RBMS3: variants seen among roughly 807,000 people sequenced by gnomAD.
RBMS3 encodes the protein RNA-binding motif, single-stranded-interacting protein 3.
In RBMS3, 27 loss-of-function variants were observed where a neutral mutation model predicts 66.8. That is an observed-to-expected ratio of 0.40 (90% CI 0.30 to 0.56). The LOEUF is 0.56. Ranked by LOEUF, RBMS3 falls within the 20% of genes least tolerant of loss-of-function variation. The pLI is 0.40. For missense variants in RBMS3, 513 were observed against 549.5 expected, an observed-to-expected ratio of 0.93 and a Z score of 0.66; for synonymous variants, 188 against 183.0, an observed-to-expected ratio of 1.03 and a Z score of -0.22.
chr3:29,790,818 A>G (rs1369518321), intron 6 of RBMS3, among the ~76,000 whole-genome samples: 1 of 152,228 alleles, frequency 6.6e-6, no homozygotes, highest in African/African-American at 2.4e-5. Flanking sequence ...AAGTATTCAT[A>G]CTTTGACATT....
chr3:29,703,396 A>G (rs1441256498), intron 4 of RBMS3, among the ~76,000 whole-genome samples: 4 of 152,258 alleles, frequency 2.6e-5, no homozygotes, highest in Admixed American at 2.6e-4. Context: ...CATTGTCTAT[A>G]GGAAACAATT....
At chr3:29,996,169 G>T (rs1252600783) in intron 14 of RBMS3, among the ~76,000 whole-genome samples, 4 of 149,324 alleles carry the variant, frequency 2.7e-5, no homozygotes, top group African/African-American at 9.8e-5. Context: ...AAGAGACAAA[G>T]AAGGCCATTA....
rs143986412 is a variant in RBMS3 at position 29,675,529 on chromosome 3, C to G, written c.400-64191C>G. On this transcript the variant is annotated intron_variant, in intron 4 of 14. Coordinates refer to ENST00000383767, the MANE Select transcript of RBMS3 (RefSeq NM_001003793.3). ...GAGAAAATTTTTGCAATCTACCTCT[C>G]TGACAAAGGGCTAATATCCAGAATC... 8.7e-3 allele frequency among the ~76,000 whole-genome samples: 1,325 copies of G among 152,248 alleles called. 34 individuals carry two copies. The highest frequency in any genetic ancestry group is 0.03 in the African/African-American group (1,233 of 41,538).
At chr3:29,897,115 G>A (rs2060139961) in intron 8 of RBMS3, among the ~76,000 whole-genome samples, 1 of 151,516 alleles carries the variant, frequency 6.6e-6, no homozygotes, top group Non-Finnish European at 1.5e-5. Context: ...CCTCCTGCTA[G>A]TGGGAGGCAG....
chr3:29,809,636 G>T (rs568895629), intron 6 of RBMS3, among the ~76,000 whole-genome samples: 26 of 151,876 alleles, frequency 1.7e-4, no homozygotes, highest in African/African-American at 6.0e-4. Context: ...GTTTATTTCA[G>T]AGCTTACATC....
At position 29,682,085 on chromosome 3, in the gene RBMS3, C is replaced by A. The variant is rs200758772; in HGVS notation, c.400-57635C>A. Among the ~76,000 whole-genome samples the A allele has an allele frequency of 4.6e-5, 7 of 152,172 alleles. No homozygotes were observed. The East Asian group carries it at 1.3e-3, about 29-fold the overall frequency. ...AGATAGCATCTCAATGGATCCACAA[C>A]TTTCTTTGTGCTCACCAATCTTACG... On this transcript the variant is annotated intron_variant, in intron 4 of 14. Coordinates refer to ENST00000383767, the MANE Select transcript of RBMS3 (RefSeq NM_001003793.3).
At chr3:29,354,413 TTC>T (rs751323787) in intron 1 of RBMS3, among the ~76,000 whole-genome samples, 1 of 152,074 alleles carries the variant, frequency 6.6e-6, no homozygotes, top group Non-Finnish European at 1.5e-5. Context: ...GTCACATACT[TTC>T]TCTCTCTGTC....
chr3:29,642,391 T>C (rs2049750996), intron 4 of RBMS3, among the ~76,000 whole-genome samples: 1 of 151,998 alleles, frequency 6.6e-6, no homozygotes, highest in South Asian at 2.1e-4. Flanking sequence ...CACTTTGTTG[T>C]TAGTTTCCTT....
rs368928273 is a variant in RBMS3 at position 29,734,199 on chromosome 3, C to T, written c.400-5521C>T. ...ATATGCAGGAGCTAAAAAACTTGAA[C>T]TCATAGAAGCAGAGAGTAGAACTAT... On this transcript the variant is annotated intron_variant, in intron 4 of 14. Coordinates refer to ENST00000383767, the MANE Select transcript of RBMS3 (RefSeq NM_001003793.3). Among the ~76,000 whole-genome samples, 45 of 152,110 alleles carry T rather than the reference C, an allele frequency of 3.0e-4. No individual in the cohort carries two copies. In the East Asian group the frequency reaches 8.3e-3, roughly 28 times the overall value.
intron 4 of RBMS3, among the ~76,000 whole-genome samples, chr3:29,702,837 C>T (rs1459391373): frequency 6.6e-6 from 1 of 152,190 alleles, no homozygotes; most frequent in African/African-American, 2.4e-5. Context: ...AAACTCTGGA[C>T]ACACCACCTT....
chr3:29,614,598 A>G lies in RBMS3; in HGVS notation c.399+27393A>G, dbSNP rs534558787. 3.2e-4 allele frequency: 48 copies of G among 152,302 alleles called. 1 individual carries two copies. In the South Asian group the frequency reaches 9.3e-3, roughly 30 times the overall value. 9.4% of individuals were successfully genotyped at this position (152,302 alleles called of 1,614,324 possible). Reference sequence around the variant, plus strand: ...TTTATTAAGTTGATACAATAAATCAATGGGAGAAGGATGGACTATTTAGCA... The same window carrying G: ...TTTATTAAGTTGATACAATAAATCAGTGGGAGAAGGATGGACTATTTAGCA... On this transcript the variant is annotated intron_variant, in intron 4 of 14. Coordinates refer to ENST00000383767, the MANE Select transcript of RBMS3 (RefSeq NM_001003793.3).
intron 3 of RBMS3, among the ~76,000 whole-genome samples, chr3:29,542,378 T>C (rs2045797211): frequency 6.6e-6 from 1 of 152,178 alleles, no homozygotes; most frequent in Non-Finnish European, 1.5e-5. Context: ...TTTGTTTGTT[T>C]GAGAAAGAGT....
chr3:29,473,380 C>G (rs1338177086), intron 2 of RBMS3, among the ~76,000 whole-genome samples: 1 of 152,264 alleles, frequency 6.6e-6, no homozygotes, highest in Non-Finnish European at 1.5e-5. Context: ...CATTCACAAA[C>G]CCTTAGCTAG....
At chr3:29,861,031 T>G (rs2059201161) in intron 6 of RBMS3, among the ~76,000 whole-genome samples, 1 of 152,060 alleles carries the variant, frequency 6.6e-6, no homozygotes. Flanking sequence ...GCCCGGCTAA[T>G]TTTTTGTATT....
chr3:29,583,577 A>G (rs1472492463), intron 3 of RBMS3, among the ~76,000 whole-genome samples: 4 of 152,162 alleles, frequency 2.6e-5, no homozygotes, highest in Non-Finnish European at 5.9e-5. Context: ...ACACCTGGTA[A>G]TGGAGAGTGC....
At chr3:29,847,367 G>C (rs1364219310) in intron 6 of RBMS3, among the ~76,000 whole-genome samples, 2 of 152,104 alleles carry the variant, frequency 1.3e-5, no homozygotes, top group Non-Finnish European at 2.9e-5. Context: ...TACTAGTTAT[G>C]ACTTTGTAAC....
chr3:29,660,609 G>T (rs997127430), intron 4 of RBMS3, among the ~76,000 whole-genome samples: 3 of 151,310 alleles, frequency 2.0e-5, no homozygotes, highest in African/African-American at 4.9e-5. Flanking sequence ...GGTTAGCTGG[G>T]TTTTTTTTTA....
At chr3:29,954,715 G>C (rs894690905) in intron 12 of RBMS3, among the ~76,000 whole-genome samples, 6 of 151,868 alleles carry the variant, frequency 4.0e-5, no homozygotes, top group African/African-American at 1.5e-4. Flanking sequence ...AATGTATTTT[G>C]AATCTGCTAT....
intron 8 of RBMS3, among the ~76,000 whole-genome samples, chr3:29,895,936 T>C (rs2060115712): frequency 6.6e-6 from 1 of 151,460 alleles, no homozygotes; most frequent in African/African-American, 2.4e-5. Context: ...TTTCTCTTTT[T>C]GTCATTATAT....
Sources: allele counts gnomAD v4.1 joint callset (sites outside exome capture counted in the v4.1 genomes callset), GRCh38; gene constraint gnomAD v4.1.1; transcripts MANE v1.5; gene names NCBI Gene and HGNC (gene_info 2026-07-23, HGNC 2026-07-21).